The following SPATA31H1 variants were observed in gnomAD, a reference collection of about 807,000 sequenced individuals.
SPATA31H1 encodes the protein spermatogenesis-associated protein 31H1.
the SPATA31H1 span, chr2:27,574,666 A>G: frequency 2.5e-6 from 1 of 398,398 alleles, no homozygotes. Flanking sequence ...GGAACAAACC[A>G]TCAAGATGTT....
chr2:27,546,084 A>ATGAG, the SPATA31H1 span, among the ~76,000 whole-genome samples: 3 of 152,170 alleles, frequency 2.0e-5, no homozygotes, highest in African/African-American at 7.2e-5. Flanking sequence ...TACTATGGAC[A>ATGAG]TGAGTCCTTT....
the SPATA31H1 span, chr2:27,576,439 T>G: frequency 7.7e-6 from 5 of 650,566 alleles, no homozygotes; most frequent in Middle Eastern, 4.1e-4. Context: ...TCTCAAGATG[T>G]GAAATCTGTG....
the SPATA31H1 span, chr2:27,570,041 G>C: frequency 2.5e-6 from 1 of 398,904 alleles, no homozygotes; most frequent in Non-Finnish European, 4.4e-6. Context: ...TTGTACAGCT[G>C]ACTCCAGAAT....
chr2:27,580,652 A>T, the SPATA31H1 span: 2 of 1,614,252 alleles, frequency 1.2e-6, no homozygotes, highest in Admixed American at 3.3e-5. Flanking sequence ...TAAAGCGGGC[A>T]TTCCAAACAG....
At chr2:27,579,882 C>T in the SPATA31H1 span, 48 of 1,614,074 alleles carry the variant, frequency 3.0e-5, no homozygotes, top group Non-Finnish European at 3.7e-5. Context: ...TCAAATACCC[C>T]CCGATGTGCC....
At chr2:27,568,979 A>G in the SPATA31H1 span, 1 of 399,020 alleles carries the variant, frequency 2.5e-6, no homozygotes, top group Non-Finnish European at 4.4e-6. Context: ...AAGGAAAAGA[A>G]GCAAAGTTGA....
the SPATA31H1 span, among the ~76,000 whole-genome samples, chr2:27,546,533 CT>C: frequency 6.6e-6 from 1 of 151,946 alleles, no homozygotes; most frequent in Non-Finnish European, 1.5e-5. Flanking sequence ...ATGAAACGTT[CT>C]TATTCTTTTT....
At chr2:27,560,015 G>A in the SPATA31H1 span, among the ~76,000 whole-genome samples, 5 of 151,198 alleles carry the variant, frequency 3.3e-5, no homozygotes, top group African/African-American at 9.7e-5. Flanking sequence ...CTACAGGCGC[G>A]CACCACCATG....
chr2:27,578,941 T>C, the SPATA31H1 span: 1 of 1,614,026 alleles, frequency 6.2e-7, no homozygotes, highest in South Asian at 1.1e-5. Flanking sequence ...ATACAATCTT[T>C]AACTTTTCCT....
chr2:27,569,924 A>G, the SPATA31H1 span: 1 of 398,644 alleles, frequency 2.5e-6, no homozygotes, highest in East Asian at 3.6e-5. Context: ...TAATCTCACA[A>G]CCCCCACATT....
chr2:27,565,021 G>T, the SPATA31H1 span, among the ~76,000 whole-genome samples: 2 of 152,040 alleles, frequency 1.3e-5, no homozygotes, highest in African/African-American at 4.8e-5. Context: ...GCTGATCTCG[G>T]TGATGTTCCC....
At chr2:27,582,200 C>A in the SPATA31H1 span, 2 of 1,613,586 alleles carry the variant, frequency 1.2e-6, no homozygotes, top group East Asian at 2.2e-5. Context: ...CTGGGAAAAC[C>A]TGTCACAGTC....
the SPATA31H1 span, among the ~76,000 whole-genome samples, chr2:27,563,090 A>G: frequency 1.3e-5 from 2 of 149,358 alleles, no homozygotes; most frequent in Admixed American, 6.6e-5. Flanking sequence ...ATTGTGAAGA[A>G]TATCTTTTAT....
the SPATA31H1 span, chr2:27,581,435 C>A: frequency 6.2e-7 from 1 of 1,614,120 alleles, no homozygotes; most frequent in Non-Finnish European, 8.5e-7. Context: ...CCGAGAGGAG[C>A]TGTCACAGTC....
At chr2:27,576,788 A>T in the SPATA31H1 span, 1 of 1,613,926 alleles carries the variant, frequency 6.2e-7, no homozygotes, top group African/African-American at 1.3e-5. Flanking sequence ...CAAAGTTGCA[A>T]AGCGTAAAAC....
chr2:27,582,659 G>C, the SPATA31H1 span: 12 of 863,034 alleles, frequency 1.4e-5, no homozygotes, highest in Non-Finnish European at 2.0e-5. Flanking sequence ...TCTCTCTACC[G>C]GGGGGGAGGC....
chr2:27,550,891 T>C, the SPATA31H1 span, among the ~76,000 whole-genome samples: 1 of 151,506 alleles, frequency 6.6e-6, no homozygotes, highest in African/African-American at 2.4e-5. Context: ...TTCTTTTCTT[T>C]TTCTTCTTTT....
chr2:27,543,783 A>G, the SPATA31H1 span, among the ~76,000 whole-genome samples: 1 of 151,864 alleles, frequency 6.6e-6, no homozygotes, highest in East Asian at 1.9e-4. Context: ...GGCTCTTAAC[A>G]CCAGAAGGGC....
At chr2:27,555,794 T>C in the SPATA31H1 span, among the ~76,000 whole-genome samples, 44 of 152,122 alleles carry the variant, frequency 2.9e-4, no homozygotes, top group Non-Finnish European at 5.0e-4. Flanking sequence ...ATTCATCTTA[T>C]TCCTCCTTTG....
Sources: gnomAD v4.1 joint callset for allele counts (sites outside exome capture counted in the v4.1 genomes callset) on GRCh38, gnomAD v4.1.1 for gene constraint, MANE v1.5 for transcripts, NCBI Gene and HGNC (gene_info 2026-07-23, HGNC 2026-07-21) for gene names.